The following CDKL5 variants were observed in gnomAD, a reference collection of about 807,000 sequenced individuals.
CDKL5 encodes the protein cyclin-dependent kinase-like 5.
CDKL5 carries 8 observed loss-of-function variants against 61.7 expected under a neutral mutation model. The observed-to-expected ratio is 0.13, with a 90% CI of 0.08 to 0.23. The LOEUF is 0.23. Ranked by LOEUF, CDKL5 falls within the 10% of genes least tolerant of loss-of-function variation. The pLI is 1.00. For synonymous variants in CDKL5, 275 were observed against 272.3 expected (o/e 1.01, Z -0.10); for missense variants, 440 against 734.5 (o/e 0.60, Z 4.63).
chrX:18,609,703 T>C (rs1926483645), intron 14 of CDKL5, 133 bp downstream of exon 14: 1 of 1,076,859 alleles, frequency 9.3e-7, no homozygotes, highest in African/African-American at 1.9e-5. Flanking sequence ...TCCCTGCCTC[T>C]GCTCCTGCTA....
At chrX:18,561,619 C>T (rs1388850418) in intron 3 of CDKL5, among the ~76,000 whole-genome samples, 1 of 110,109 alleles carries the variant, frequency 9.1e-6, no homozygotes, top group East Asian at 2.9e-4. Flanking sequence ...GACATAAGAA[C>T]AAATCAGTAG....
Position 18,633,843 on chromosome X carries a change from G to A in CDKL5, c.*5086G>A, listed in dbSNP as rs1027307384. On this transcript the variant is annotated 3_prime_UTR_variant, in exon 18 of 18. Coordinates refer to ENST00000623535, the MANE Select transcript of CDKL5 (RefSeq NM_001323289.2). ...TCCTGGCTCCACCTTTCTCCTCTCC[G>A]GGCACTGACCCCACCTTTCCGTGTA... 3.3e-5 allele frequency: 25 copies of A among 751,718 alleles called. No homozygotes were observed. Among genetic ancestry groups the A allele is most frequent in the African/African-American group, 7.0e-5 (3 of 42,912 alleles). The allele number at this position is 751,718 out of a possible 1,213,427, so 61.9% of individuals were successfully genotyped here. A position where few individuals can be genotyped will look rare whatever the true frequency, so the allele number is the denominator to read the frequency against.
At chrX:18,517,982 G>A (rs1463592647) in intron 3 of CDKL5, among the ~76,000 whole-genome samples, 3 of 111,485 alleles carry the variant, frequency 2.7e-5, no homozygotes, top group African/African-American at 9.8e-5. Flanking sequence ...TCCAGCCTGC[G>A]CGACAGAGCA....
At chrX:18,453,728 TTTGAC>T (rs1382296894) in intron 1 of CDKL5, among the ~76,000 whole-genome samples, 1 of 111,869 alleles carries the variant, frequency 8.9e-6, no homozygotes, top group Non-Finnish European at 1.9e-5. Flanking sequence ...TTTCACATAC[TTTGAC>T]TTATTTCCTA....
chrX:18,634,687 C>T lies in CDKL5; in HGVS notation c.*5930C>T, dbSNP rs1043763387. 4 of 750,619 alleles carry T rather than the reference C, an allele frequency of 5.3e-6. No individual in the cohort carries two copies. The highest frequency in any genetic ancestry group is 6.9e-5 in the South Asian group (1 of 14,566). The allele number at this position is 750,619 out of a possible 1,213,427, so 61.9% of individuals were successfully genotyped here. On this transcript the variant is annotated 3_prime_UTR_variant, in exon 18 of 18. Coordinates refer to ENST00000623535, the MANE Select transcript of CDKL5 (RefSeq NM_001323289.2). ...ATCGAGTCAGGCTAGAGGGGTAATA[C>T]GGTGATTAAAAGAAGTAAATTCTCA... is the stretch of plus-strand genomic sequence containing the variant.
In CDKL5 at chrX:18,520,392, C is replaced by A. The variant is rs762739591; in HGVS notation, c.99+9538C>A. ...GACCTATGTTTTCAAAGTTTATCCA[C>A]GTTGTAGCATGTAACAGTACTTCAT... On this transcript the variant is annotated intron_variant, in intron 3 of 17. Transcript: ENST00000623535. 2.7e-5 allele frequency among the ~76,000 whole-genome samples: 3 copies of A among 112,322 alleles called. No individual in the cohort carries two copies. In the East Asian group the frequency reaches 8.4e-4, roughly 31 times the overall value.
chrX:18,436,747 A>T (rs1251408964), intron 1 of CDKL5, among the ~76,000 whole-genome samples: 2 of 108,104 alleles, frequency 1.9e-5, no homozygotes, highest in African/African-American at 6.8e-5. Flanking sequence ...AAAAATGCAA[A>T]ATTAGCCAAG....
Position 18,630,200 on chromosome X carries a change from C to G in CDKL5, c.*1443C>G, listed in dbSNP as rs1927195422. Reference sequence around the variant, plus strand: ...CATGCACACCTGTTACGCACACAACCCCCATCAGAACAGGACCTATCTTCC... The same window carrying G: ...CATGCACACCTGTTACGCACACAACGCCCATCAGAACAGGACCTATCTTCC... On this transcript the variant is annotated 3_prime_UTR_variant, in exon 18 of 18. Coordinates refer to ENST00000623535, the MANE Select transcript of CDKL5 (RefSeq NM_001323289.2). 1.2e-5 allele frequency: 9 copies of G among 753,391 alleles called. No individual in the cohort carries two copies. Among genetic ancestry groups the G allele is most frequent in the Non-Finnish European group, 1.1e-5 (7 of 639,006 alleles). The allele number at this position is 753,391 out of a possible 1,213,427, so 62.1% of individuals were successfully genotyped here. A position where few individuals can be genotyped will look rare whatever the true frequency, so the allele number is the denominator to read the frequency against.
In CDKL5 at chrX:18,509,245, A is replaced by ACACACACACACACACC. The variant is rs796171313; in HGVS notation, c.65-1574_65-1573insACACACACACACACCC. On this transcript the variant is annotated intron_variant, in intron 2 of 17. Transcript: ENST00000623535. ...CACACACACACACACACACACACAC[A>ACACACACACACACACC]CCCCTGTCAAGCAAACTCTGCATTC... 1.3e-4 allele frequency among the ~76,000 whole-genome samples: 12 copies of ACACACACACACACACC among 95,347 alleles called. 1 individual carries two copies. Among genetic ancestry groups the ACACACACACACACACC allele is most frequent in the Admixed American group, 1.0e-3 (8 of 7,996 alleles). The allele number at this position is 95,347 out of a possible 115,157, so 82.8% of individuals were successfully genotyped here.
chrX:18,646,144 G>A, intron 20 of CDKL5: 1 of 1,207,416 alleles, frequency 8.3e-7, no homozygotes, highest in Admixed American at 2.2e-5. Flanking sequence ...CTAGACTACT[G>A]AATGAAACTT....
At chrX:18,580,478 A>G (rs757494580) in intron 6 of CDKL5, among the ~76,000 whole-genome samples, 1 of 110,802 alleles carries the variant, frequency 9.0e-6, no homozygotes, top group Admixed American at 9.6e-5. Flanking sequence ...AATTTTCTCT[A>G]CCCCTTAGTG....
chrX:18,540,116 T>G (rs1266738050), intron 3 of CDKL5, among the ~76,000 whole-genome samples: 1 of 112,140 alleles, frequency 8.9e-6, no homozygotes, highest in Non-Finnish European at 1.9e-5. Flanking sequence ...AATATTTTTT[T>G]CTTAAATTCC....
intron 1 of CDKL5, among the ~76,000 whole-genome samples, chrX:18,446,895 C>T (rs1030309279): frequency 8.9e-5 from 10 of 112,196 alleles, no homozygotes; most frequent in African/African-American, 3.2e-4. Context: ...CAGAGTTGCC[C>T]TCTCCTCCTG....
chrX:18,516,381 G>A (rs1352643330), intron 3 of CDKL5, among the ~76,000 whole-genome samples: 2 of 108,780 alleles, frequency 1.8e-5, no homozygotes, highest in African/African-American at 6.7e-5. Flanking sequence ...GAACCATTGT[G>A]TGTGGTTTCT....
At position 18,581,844 on chromosome X, in the gene CDKL5, G is replaced by T. The variant is rs746423337; in HGVS notation, c.404-47G>T. The T allele has an allele frequency of 6.0e-6, 5 of 838,896 alleles. No homozygotes were observed. In the South Asian group the frequency reaches 1.0e-4, roughly 17 times the overall value. 69.1% of individuals were successfully genotyped at this position (838,896 alleles called of 1,213,427 possible). ...AGTGATCTAACAGTGTCAATCAGGA[G>T]AACATAGAACATTTTTACTAATTTT... On this transcript the variant is annotated intron_variant, in intron 6 of 17. Transcript: ENST00000623535.
At chrX:18,581,865 A>AT (rs748656624) in intron 6 of CDKL5, 26 bp from the exon 7 acceptor site, 2,431 of 961,714 alleles carry the variant, frequency 2.5e-3, no homozygotes, top group Non-Finnish European at 3.1e-3. Context: ...ATTTTTACTA[A>AT]TTTTTTTTTT....
chrX:18,457,502 A>G (rs1415214858), intron 1 of CDKL5: 2 of 111,703 alleles, frequency 1.8e-5, no homozygotes, highest in Non-Finnish European at 3.8e-5. Context: ...CTTCAAGGGG[A>G]AAACATGGCT....
At chrX:18,490,681 AG>A (rs1348724579) in intron 1 of CDKL5, among the ~76,000 whole-genome samples, 1 of 111,098 alleles carries the variant, frequency 9.0e-6, no homozygotes, top group Non-Finnish European at 1.9e-5. Flanking sequence ...TTTATTAGTC[AG>A]CTTCTCAGAT....
At chrX:18,509,197 G>GCGCACGCA (rs1555940193) in intron 2 of CDKL5, among the ~76,000 whole-genome samples, 9 of 64,308 alleles carry the variant, frequency 1.4e-4, no homozygotes, top group Non-Finnish European at 2.2e-4. Context: ...CTCAAAACAC[G>GCGCACGCA]CACACACACA....
Sources: allele counts gnomAD v4.1 joint callset (sites outside exome capture counted in the v4.1 genomes callset), GRCh38; gene constraint gnomAD v4.1.1; transcripts MANE v1.5; gene names NCBI Gene and HGNC (gene_info 2026-07-23, HGNC 2026-07-21).